Variants in CCBE1 observed in about 807,000 individuals in gnomAD.
The protein encoded by CCBE1 is collagen and calcium-binding EGF domain-containing protein 1.
CCBE1 carries 37 observed loss-of-function variants against 50.0 expected under a neutral mutation model. The observed-to-expected ratio is 0.74, with a 90% CI of 0.57 to 0.97. The LOEUF is 0.97. Among genes scored for constraint, CCBE1 ranks in the 50% least tolerant of loss-of-function variants. CCBE1 has a pLI of 0.00. For missense variants in CCBE1, 538 were observed against 523.8 expected, an observed-to-expected ratio of 1.03 and a Z score of -0.26; for synonymous variants, 234 against 203.7, an observed-to-expected ratio of 1.15 and a Z score of -1.27.
intron 2 of CCBE1, among the ~76,000 whole-genome samples, chr18:59,681,617 G>A (rs1220580713): frequency 6.6e-6 from 1 of 152,148 alleles, no homozygotes; most frequent in African/African-American, 2.4e-5. Flanking sequence ...CCAGCCAGTG[G>A]CCAGCCAGGG....
chr18:59,557,053 G>A (rs936211036), intron 2 of CCBE1, among the ~76,000 whole-genome samples: 2 of 152,130 alleles, frequency 1.3e-5, no homozygotes, highest in South Asian at 2.1e-4. Context: ...AGGGCACCAG[G>A]TGCAGCTCAC....
chr18:59,627,674 G>A (rs536747885), intron 2 of CCBE1, among the ~76,000 whole-genome samples: 23 of 152,298 alleles, frequency 1.5e-4, no homozygotes, highest in African/African-American at 4.8e-4. Context: ...GTGAGCAGCT[G>A]TAAGTCAAGG....
At chr18:59,696,485 C>G in intron 2 of CCBE1, 144 bp downstream of exon 2, 1 of 1,522,008 alleles carries the variant, frequency 6.6e-7, no homozygotes, top group Non-Finnish European at 8.8e-7. Context: ...CAAAGATTCG[C>G]ACCGCGCGGC....
chr18:59,596,909 G>C (rs1182677828), intron 2 of CCBE1, among the ~76,000 whole-genome samples: 1 of 152,226 alleles, frequency 6.6e-6, no homozygotes, highest in Non-Finnish European at 1.5e-5. Flanking sequence ...AGTACCAGGA[G>C]AACATGTGGA....
At chr18:59,489,791 C>G (rs1913003899) in intron 2 of CCBE1, among the ~76,000 whole-genome samples, 1 of 137,840 alleles carries the variant, frequency 7.3e-6, no homozygotes, top group Admixed American at 7.4e-5. Flanking sequence ...CTCTTTATCT[C>G]CCTAAATGAA....
chr18:59,634,064 C>T (rs2053886894), intron 2 of CCBE1, among the ~76,000 whole-genome samples: 1 of 152,310 alleles, frequency 6.6e-6, no homozygotes, highest in East Asian at 1.9e-4. Flanking sequence ...ACAGCCTAAA[C>T]ATACTAGGGA....
chr18:59,570,799 A>T (rs1030809725), intron 2 of CCBE1, among the ~76,000 whole-genome samples: 9 of 152,308 alleles, frequency 5.9e-5, no homozygotes, highest in African/African-American at 2.2e-4. Flanking sequence ...CCAAGGAATC[A>T]GAGCAGAATC....
chr18:59,464,391 G>A (rs894214222), intron 5 of CCBE1, among the ~76,000 whole-genome samples: 2 of 152,184 alleles, frequency 1.3e-5, no homozygotes, highest in African/African-American at 4.8e-5. Flanking sequence ...TTGCACCACT[G>A]CACTCCAGCA....
intron 5 of CCBE1, among the ~76,000 whole-genome samples, 161 bp downstream of exon 5, chr18:59,466,578 G>A (rs1167184001): frequency 6.6e-6 from 1 of 150,652 alleles, no homozygotes; most frequent in Non-Finnish European, 1.5e-5. Context: ...AACATAATGT[G>A]GCATACATTG....
At chr18:59,480,278 T>C (rs1912512037) in intron 2 of CCBE1, 40 bp from the exon 3 acceptor site, 1 of 1,399,362 alleles carries the variant, frequency 7.1e-7, no homozygotes, top group African/African-American at 1.4e-5. Flanking sequence ...ATAATTAGGC[T>C]AAAAATAAAA....
intron 2 of CCBE1, among the ~76,000 whole-genome samples, chr18:59,520,719 A>G (rs1914562783): frequency 6.6e-6 from 1 of 152,260 alleles, no homozygotes; most frequent in Non-Finnish European, 1.5e-5. Flanking sequence ...TATATCATCC[A>G]TCTGAACCAT....
At chr18:59,480,764 T>TA (rs1555681987) in intron 2 of CCBE1, among the ~76,000 whole-genome samples, 1 of 151,830 alleles carries the variant, frequency 6.6e-6, no homozygotes, top group Non-Finnish European at 1.5e-5. Flanking sequence ...TTTTTTTTTT[T>TA]AAAACACTTG....
intron 2 of CCBE1, among the ~76,000 whole-genome samples, chr18:59,575,113 A>G (rs2851854): frequency 0.56 from 85,032 of 151,974 alleles, 25,381 homozygotes; most frequent in East Asian, 0.77. Flanking sequence ...CAGAAGGTGG[A>G]GGACAGACCT....
intron 3 of CCBE1, among the ~76,000 whole-genome samples, chr18:59,476,411 T>C (rs1447341318): frequency 6.6e-6 from 1 of 152,168 alleles, no homozygotes; most frequent in Non-Finnish European, 1.5e-5. Flanking sequence ...AATGAGATCA[T>C]CCTATCACCT....
At chr18:59,536,266 G>A (rs931018111) in intron 2 of CCBE1, among the ~76,000 whole-genome samples, 12 of 152,074 alleles carry the variant, frequency 7.9e-5, no homozygotes, top group African/African-American at 2.7e-4. Flanking sequence ...TGCCATCTGC[G>A]AGGTGCCCAG....
intron 2 of CCBE1, among the ~76,000 whole-genome samples, chr18:59,628,525 A>G (rs1454218467): frequency 6.6e-6 from 1 of 152,152 alleles, no homozygotes; most frequent in East Asian, 1.9e-4. Flanking sequence ...CATGCTCCAG[A>G]CCAACAGGGC....
Position 59,461,426 on chromosome 18 carries a change from T to G in CCBE1, c.553+5313A>C, listed in dbSNP as rs550806008. ...GCCTGTCCTTTCTCATAATTTTAATTATGTGTATGAATTGCTTCCCTCTAC... is the reference window on the plus strand; with the variant it reads ...GCCTGTCCTTTCTCATAATTTTAATGATGTGTATGAATTGCTTCCCTCTAC... On this transcript the variant is annotated intron_variant, in intron 5 of 10. Transcript: ENST00000439986. Among the ~76,000 whole-genome samples the G allele has an allele frequency of 2.6e-5, 4 of 152,232 alleles. No individual in the cohort carries two copies. The East Asian group carries it at 7.7e-4, about 29-fold the overall frequency.
intron 2 of CCBE1, among the ~76,000 whole-genome samples, chr18:59,622,507 GA>G (rs34431958): frequency 0.36 from 47,348 of 131,732 alleles, 7,936 homozygotes; most frequent in East Asian, 0.58. Flanking sequence ...TCATCTTAAA[GA>G]AAAAAAAAAA....
Position 59,654,160 on chromosome 18 carries a change from C to T in CCBE1, c.212+42469G>A, listed in dbSNP as rs111256331. On this transcript the variant is annotated intron_variant, in intron 2 of 10. Transcript: ENST00000439986. ...ACAGTGAAGAAGGAAAACACCATTG[C>T]CTATCCAGGACTTTTTCTTTTGATC... Among the ~76,000 whole-genome samples, 151 of 152,294 alleles carry T rather than the reference C, an allele frequency of 9.9e-4. 1 individual carries two copies. The Middle Eastern group carries it at 0.014, about 14-fold the overall frequency.
Sources: allele counts gnomAD v4.1 joint callset (sites outside exome capture counted in the v4.1 genomes callset), GRCh38; gene constraint gnomAD v4.1.1; transcripts MANE v1.5; gene names NCBI Gene and HGNC (gene_info 2026-07-23, HGNC 2026-07-21).